SPMIP2: variants seen among roughly 807,000 people sequenced by gnomAD.
SPMIP2 encodes the protein protein SPMIP2.
the SPMIP2 span, among the ~76,000 whole-genome samples, chr4:159,062,749 C>T: frequency 2.0e-5 from 3 of 148,170 alleles, no homozygotes; most frequent in Non-Finnish European, 4.5e-5. Flanking sequence ...AGTGCAGTGG[C>T]ACGATCTCAA....
chr4:158,960,419 G>C, the SPMIP2 span: 1 of 819,250 alleles, frequency 1.2e-6, no homozygotes, highest in Non-Finnish European at 2.0e-6. Flanking sequence ...CATATTTCTA[G>C]TCAAAAAAGG....
At chr4:159,064,400 A>G in the SPMIP2 span, 1 of 152,188 alleles carries the variant, frequency 6.6e-6, no homozygotes, top group African/African-American at 2.4e-5. Flanking sequence ...AGACTAGCCA[A>G]CATCTTCCAT....
chr4:158,985,743 T>G, the SPMIP2 span, among the ~76,000 whole-genome samples: 9 of 151,432 alleles, frequency 5.9e-5, no homozygotes, highest in Admixed American at 5.3e-4. Flanking sequence ...ATGCCCTCTC[T>G]CACCACTCCT....
the SPMIP2 span, among the ~76,000 whole-genome samples, chr4:158,926,560 C>T: frequency 2.0e-5 from 3 of 151,838 alleles, no homozygotes; most frequent in East Asian, 1.9e-4. Context: ...TTAAATGTAC[C>T]GAGACTTATT....
At chr4:159,054,996 G>A in the SPMIP2 span, among the ~76,000 whole-genome samples, 3 of 152,314 alleles carry the variant, frequency 2.0e-5, no homozygotes, top group South Asian at 6.2e-4. Context: ...AAGGAAGTCT[G>A]CATGACTTAT....
the SPMIP2 span, among the ~76,000 whole-genome samples, chr4:158,973,983 C>CAA: frequency 0.32 from 20,577 of 64,572 alleles, 4,432 homozygotes; most frequent in South Asian, 0.36. Flanking sequence ...AAGGCCACCT[C>CAA]AAAAAAAAAA....
At chr4:158,988,582 A>G in the SPMIP2 span, among the ~76,000 whole-genome samples, 4 of 152,216 alleles carry the variant, frequency 2.6e-5, no homozygotes, top group African/African-American at 9.7e-5. Flanking sequence ...GGCTGGTTCA[A>G]CCTACACAAA....
chr4:159,042,379 G>A, the SPMIP2 span, among the ~76,000 whole-genome samples: 7 of 152,164 alleles, frequency 4.6e-5, no homozygotes, highest in African/African-American at 1.4e-4. Flanking sequence ...CTCTACATTG[G>A]CCGTTGGCCA....
At chr4:159,077,363 T>C in the SPMIP2 span, among the ~76,000 whole-genome samples, 7 of 151,932 alleles carry the variant, frequency 4.6e-5, no homozygotes, top group Non-Finnish European at 1.0e-4. Flanking sequence ...GTCAGGCTGG[T>C]CTCAAACTCC....
the SPMIP2 span, among the ~76,000 whole-genome samples, chr4:159,002,395 C>T: frequency 6.6e-5 from 10 of 152,064 alleles, no homozygotes; most frequent in Admixed American, 5.2e-4. Context: ...ATGGATCATA[C>T]CATAGGTGTT....
the SPMIP2 span, among the ~76,000 whole-genome samples, chr4:158,934,326 G>A: frequency 6.6e-6 from 1 of 152,112 alleles, no homozygotes; most frequent in Non-Finnish European, 1.5e-5. Flanking sequence ...GCTGGGCGTG[G>A]TGGTGGATGC....
the SPMIP2 span, among the ~76,000 whole-genome samples, chr4:159,061,163 A>G: frequency 6.6e-6 from 1 of 150,868 alleles, no homozygotes; most frequent in Non-Finnish European, 1.5e-5. Context: ...AACAAATTGG[A>G]GGGAAAGGAA....
the SPMIP2 span, among the ~76,000 whole-genome samples, chr4:159,065,712 G>A: frequency 6.6e-6 from 1 of 152,170 alleles, no homozygotes; most frequent in Non-Finnish European, 1.5e-5. Context: ...AACATTGCCT[G>A]TTAAATATGC....
the SPMIP2 span, among the ~76,000 whole-genome samples, chr4:158,954,120 C>A: frequency 1.3e-5 from 2 of 152,084 alleles, no homozygotes; most frequent in African/African-American, 4.8e-5. Flanking sequence ...GGGCCAGGGG[C>A]AGAATGATAT....
chr4:158,927,550 C>G, the SPMIP2 span, among the ~76,000 whole-genome samples: 1 of 152,236 alleles, frequency 6.6e-6, no homozygotes, highest in Non-Finnish European at 1.5e-5. Context: ...GCAGTCCTCA[C>G]AGCCCTCCCT....
At chr4:158,991,422 C>T in the SPMIP2 span, among the ~76,000 whole-genome samples, 10 of 152,282 alleles carry the variant, frequency 6.6e-5, no homozygotes, top group Middle Eastern at 3.4e-3. Context: ...GATCCACTGC[C>T]CCTGACATGT....
chr4:158,910,185 A>T, the SPMIP2 span, among the ~76,000 whole-genome samples: 1 of 149,940 alleles, frequency 6.7e-6, no homozygotes, highest in Non-Finnish European at 1.5e-5. Context: ...CTGGCCTGTG[A>T]TGGTTAATGT....
the SPMIP2 span, among the ~76,000 whole-genome samples, chr4:158,982,456 T>C: frequency 3.9e-5 from 6 of 152,118 alleles, no homozygotes; most frequent in South Asian, 6.2e-4. Flanking sequence ...ATTTCTAAAA[T>C]TGATCACATA....
At chr4:158,894,109 G>A in the SPMIP2 span, among the ~76,000 whole-genome samples, 1 of 151,654 alleles carries the variant, frequency 6.6e-6, no homozygotes, top group Non-Finnish European at 1.5e-5. Flanking sequence ...CCCAGAAAGA[G>A]GAGTTTAAAA....
Sources: allele counts gnomAD v4.1 joint callset (sites outside exome capture counted in the v4.1 genomes callset), GRCh38; gene constraint gnomAD v4.1.1; transcripts MANE v1.5; gene names NCBI Gene and HGNC (gene_info 2026-07-23, HGNC 2026-07-21).